PPP3CB: variants seen among roughly 807,000 people sequenced by gnomAD.
PPP3CB encodes protein phosphatase 3 catalytic subunit beta, also known as serine/threonine-protein phosphatase 2B catalytic subunit beta isoform.
Under a neutral mutation model 66.4 loss-of-function variants are expected in PPP3CB, and 8 were observed. That is an observed-to-expected ratio of 0.12 (90% CI 0.07 to 0.22). The LOEUF is 0.22. Among genes scored for constraint, PPP3CB ranks in the 10% least tolerant of loss-of-function variants. The pLI, the probability that PPP3CB is intolerant of heterozygous loss-of-function variation, is 1.00. For missense variants in PPP3CB, 319 were observed against 642.5 expected, an observed-to-expected ratio of 0.50 and a Z score of 5.44; for synonymous variants, 208 against 221.2, an observed-to-expected ratio of 0.94 and a Z score of 0.53.
Position 73,445,056 on chromosome 10 carries a change from T to C in PPP3CB, c.1269-234A>G, listed in dbSNP as rs147194401. ...TTCCTGAAAAGCTTTATTAAATATG[T>C]GGTAAGATTCATCAAGGGGCATCAT... On this transcript the variant is annotated intron_variant, in intron 11 of 13. Transcript: ENST00000360663. Among the ~76,000 whole-genome samples, 38 of 152,350 alleles carry C rather than the reference T, an allele frequency of 2.5e-4. No individual in the cohort carries two copies. The East Asian group carries it at 6.7e-3, about 27-fold the overall frequency.
intron 4 of PPP3CB, 124 bp downstream of exon 4, chr10:73,474,795 C>T (rs911894856): frequency 5.1e-6 from 7 of 1,381,964 alleles, no homozygotes; most frequent in Non-Finnish European, 6.7e-6. Flanking sequence ...TTCCTCAAAG[C>T]TTTATGTGTG....
chr10:73,477,331 AAT>A (rs1312798978), intron 3 of PPP3CB: 8 of 468,912 alleles, frequency 1.7e-5, no homozygotes, highest in African/African-American at 1.6e-4. Context: ...ATGTATGAAT[AAT>A]ATGACTCATT....
At chr10:73,441,286 A>C (rs1371208591) in intron 12 of PPP3CB, among the ~76,000 whole-genome samples, 2 of 152,196 alleles carry the variant, frequency 1.3e-5, no homozygotes, top group Non-Finnish European at 2.9e-5. Context: ...GGAAGAGTTA[A>C]TTTTCCTTAA....
intron 11 of PPP3CB, 92 bp downstream of exon 11, chr10:73,446,400 C>T: frequency 8.2e-7 from 1 of 1,217,902 alleles, no homozygotes; most frequent in Admixed American, 1.7e-5. Flanking sequence ...ATACCCGGCC[C>T]CATTTTGCTT....
In PPP3CB at chr10:73,438,176, C is replaced by T. The variant is rs1196815540; in HGVS notation, c.*66G>A. On this transcript the variant is annotated 3_prime_UTR_variant, in exon 14 of 14. Coordinates refer to ENST00000360663, the MANE Select transcript of PPP3CB (RefSeq NM_021132.4). ...AATTTACAGTCAGCTTGGCCGACCCCTCCAGCTCCTCGGGTGATCTGTCCA... is the reference window on the plus strand; with the variant it reads ...AATTTACAGTCAGCTTGGCCGACCCTTCCAGCTCCTCGGGTGATCTGTCCA... 4 of 1,507,162 alleles carry T rather than the reference C, an allele frequency of 2.7e-6. No homozygotes were observed. The highest frequency in any genetic ancestry group is 2.8e-5 in the African/African-American group (2 of 71,762). 93.4% of individuals were successfully genotyped at this position (1,507,162 alleles called of 1,614,324 possible). A position where few individuals can be genotyped will look rare whatever the true frequency, so the allele number is the denominator to read the frequency against.
At chr10:73,487,326 T>C (rs930683756) in intron 1 of PPP3CB, among the ~76,000 whole-genome samples, 1 of 151,922 alleles carries the variant, frequency 6.6e-6, no homozygotes, top group African/African-American at 2.4e-5. Context: ...GGTGGGTATA[T>C]CGCTTGAGGT....
At chr10:73,446,414 G>A in intron 11 of PPP3CB, 78 bp downstream of exon 11, 2 of 1,434,710 alleles carry the variant, frequency 1.4e-6, no homozygotes, top group South Asian at 1.1e-5. Context: ...TTTGCTTTTA[G>A]ATGCGGGACA....
chr10:73,473,970 A>G (rs1322005255), intron 4 of PPP3CB, among the ~76,000 whole-genome samples: 1 of 152,226 alleles, frequency 6.6e-6, no homozygotes, highest in Non-Finnish European at 1.5e-5. Flanking sequence ...CTCAAGATTG[A>G]AGGACAAAAA....
chr10:73,482,315 C>T (rs1194275690), intron 1 of PPP3CB, among the ~76,000 whole-genome samples: 4 of 151,342 alleles, frequency 2.6e-5, no homozygotes, highest in East Asian at 3.9e-4. Context: ...AAGGCCAAGA[C>T]GGGCAGATCA....
At position 73,438,167 on chromosome 10, in the gene PPP3CB, G is replaced by A; in HGVS notation, c.*75C>T. ...AGACTGTGAAATTTACAGTCAGCTT[G>A]GCCGACCCCTCCAGCTCCTCGGGTG... On this transcript the variant is annotated 3_prime_UTR_variant, in exon 14 of 14. Transcript: ENST00000360663. 1 of 1,409,550 alleles carries A rather than the reference G, an allele frequency of 7.1e-7. No homozygotes were observed. Among genetic ancestry groups the A allele is most frequent in the Non-Finnish European group, 9.7e-7 (1 of 1,025,748 alleles). 87.3% of individuals were successfully genotyped at this position (1,409,550 alleles called of 1,614,324 possible).
At chr10:73,480,991 C>A (rs1290146116) in intron 1 of PPP3CB, among the ~76,000 whole-genome samples, 2 of 151,884 alleles carry the variant, frequency 1.3e-5, no homozygotes, top group Non-Finnish European at 2.9e-5. Context: ...TTACTGAATC[C>A]AACAAGTAAA....
At chr10:73,478,324 T>G (rs2056823514) in intron 3 of PPP3CB, among the ~76,000 whole-genome samples, 175 bp downstream of exon 3, 2 of 152,164 alleles carry the variant, frequency 1.3e-5, no homozygotes, top group Non-Finnish European at 2.9e-5. Flanking sequence ...ACAAAGAAAT[T>G]TATTTGAATT....
At chr10:73,440,960 G>T (rs1564546005) in intron 12 of PPP3CB, among the ~76,000 whole-genome samples, 1 of 152,096 alleles carries the variant, frequency 6.6e-6, no homozygotes, top group Non-Finnish European at 1.5e-5. Context: ...TGAGGACCAG[G>T]ACTCAAGATA....
intron 1 of PPP3CB, among the ~76,000 whole-genome samples, chr10:73,487,820 C>T (rs1172986944): frequency 6.6e-6 from 1 of 150,550 alleles, no homozygotes; most frequent in Non-Finnish European, 1.5e-5. Flanking sequence ...CGCTCTGTTG[C>T]CCCAGTTGGA....
At chr10:73,479,225 G>T in intron 2 of PPP3CB, 92 bp downstream of exon 2, 1 of 1,127,064 alleles carries the variant, frequency 8.9e-7, no homozygotes. Flanking sequence ...TATTGATTTA[G>T]CATACAGTAT....
intron 1 of PPP3CB, among the ~76,000 whole-genome samples, chr10:73,490,416 GCAGA>G (rs1169970678): frequency 2.0e-5 from 3 of 152,160 alleles, no homozygotes; most frequent in African/African-American, 4.8e-5. Context: ...TTGTGATACA[GCAGA>G]CATTTAATAA....
intron 12 of PPP3CB, among the ~76,000 whole-genome samples, chr10:73,441,059 G>T (rs972612326): frequency 2.6e-5 from 4 of 152,062 alleles, no homozygotes; most frequent in Non-Finnish European, 5.9e-5. Flanking sequence ...CTCCTATTTT[G>T]CTTCTTCTGC....
At chr10:73,467,320 T>C (rs913995505) in intron 9 of PPP3CB, 7 of 265,388 alleles carry the variant, frequency 2.6e-5, no homozygotes, top group African/African-American at 1.6e-4. Flanking sequence ...GCTGAAGACA[T>C]TGGGCTATTT....
At chr10:73,463,462 G>T (rs979262153) in intron 9 of PPP3CB, among the ~76,000 whole-genome samples, 1 of 151,952 alleles carries the variant, frequency 6.6e-6, no homozygotes, top group African/African-American at 2.4e-5. Context: ...TTCTACTACT[G>T]TCCTTCATAG....
Sources: gnomAD v4.1 joint callset for allele counts (sites outside exome capture counted in the v4.1 genomes callset) on GRCh38, gnomAD v4.1.1 for gene constraint, MANE v1.5 for transcripts, NCBI Gene and HGNC (gene_info 2026-07-23, HGNC 2026-07-21) for gene names.